The following RANBP2 variants were observed in gnomAD, a reference collection of about 807,000 sequenced individuals.
RANBP2 encodes the protein RAN binding protein 2.
In RANBP2, 57 loss-of-function variants were observed where a neutral mutation model predicts 303.6. The ratio of observed to expected loss-of-function variants is 0.19; its 90% CI spans 0.15 to 0.23. The LOEUF (loss-of-function observed/expected upper bound fraction) is 0.23. Among genes scored for constraint, RANBP2 ranks in the 10% least tolerant of loss-of-function variants. The pLI, the probability that RANBP2 is intolerant of heterozygous loss-of-function variation, is 1.00. For missense variants in RANBP2, 3,138 were observed against 3,780.8 expected (o/e 0.83, Z 4.46); for synonymous variants, 1,167 against 1,301.5 (o/e 0.90, Z 2.23).
At chr2:109,180,112 G>A in the RANBP2 span, among the ~76,000 whole-genome samples, 5 of 151,578 alleles carry the variant, frequency 3.3e-5, no homozygotes, top group Non-Finnish European at 7.4e-5. Context: ...AGGAACCACA[G>A]GAGAAGTTTT....
chr2:108,874,988 A>G, the RANBP2 span, among the ~76,000 whole-genome samples: 131,946 of 151,504 alleles, frequency 0.87, 57,855 homozygotes, highest in East Asian at 1. Context: ...TTTACTATTC[A>G]TGATGTGTTT....
chr2:108,754,067 A>G (rs1676115704), intron 15 of RANBP2, 96 bp downstream of exon 15: 2 of 1,608,624 alleles, frequency 1.2e-6, no homozygotes, highest in Admixed American at 1.7e-5. Context: ...AAAAATACTC[A>G]GTAATATGTT....
intron 7 of RANBP2, among the ~76,000 whole-genome samples, chr2:108,741,951 A>C (rs1323986491): frequency 6.6e-6 from 1 of 151,826 alleles, no homozygotes; most frequent in Non-Finnish European, 1.5e-5. Flanking sequence ...TGGGGAGGGA[A>C]AAAAAGGATT....
chr2:109,059,624 C>G, the RANBP2 span, among the ~76,000 whole-genome samples: 208 of 152,066 alleles, frequency 1.4e-3, 2 homozygotes, highest in African/African-American at 4.8e-3. Flanking sequence ...GGGCAGGGAG[C>G]AACTGCACTC....
chr2:109,333,345 C>A, the RANBP2 span, among the ~76,000 whole-genome samples: 1 of 152,300 alleles, frequency 6.6e-6, no homozygotes, highest in Non-Finnish European at 1.5e-5. Context: ...TGAATGTGAT[C>A]AATGTAATGT....
the RANBP2 span, among the ~76,000 whole-genome samples, chr2:109,656,471 G>A: frequency 6.6e-6 from 1 of 152,140 alleles, no homozygotes; most frequent in Non-Finnish European, 1.5e-5. Context: ...CAGAGTAGCT[G>A]GGATCACAGG....
chr2:108,755,366 A>G, intron 17 of RANBP2, 107 bp downstream of exon 17: 2 of 1,541,290 alleles, frequency 1.3e-6, no homozygotes, highest in South Asian at 1.2e-5. Flanking sequence ...TTGCCATCCA[A>G]ATAGTATGGC....
chr2:108,877,803 T>C, the RANBP2 span, among the ~76,000 whole-genome samples: 1 of 152,194 alleles, frequency 6.6e-6, no homozygotes, highest in Admixed American at 6.5e-5. Flanking sequence ...CAGAAAAACC[T>C]ATGAGAAAAG....
chr2:109,552,743 G>T, the RANBP2 span: 3 of 200,380 alleles, frequency 1.5e-5, no homozygotes, highest in South Asian at 9.3e-5. Context: ...CTGGTTGAAT[G>T]AGGCACCTAA....
the RANBP2 span, chr2:109,615,645 A>G: frequency 1.2e-6 from 2 of 1,613,812 alleles, no homozygotes; most frequent in Non-Finnish European, 1.7e-6. Flanking sequence ...GAGTCGGAGC[A>G]TCGCCGAGGA....
the RANBP2 span, among the ~76,000 whole-genome samples, chr2:109,049,832 C>G: frequency 3.9e-5 from 6 of 152,308 alleles, no homozygotes; most frequent in Non-Finnish European, 7.3e-5. Flanking sequence ...ATCAGAACTT[C>G]AGGTTTTCCC....
chr2:108,754,801 T>A (rs1245650236), intron 15 of RANBP2, 104 bp from the exon 16 acceptor site: 5 of 1,576,258 alleles, frequency 3.2e-6, no homozygotes, highest in Non-Finnish European at 4.3e-6. Flanking sequence ...AAGTGCCTAT[T>A]AAAGTGGCAA....
the RANBP2 span, among the ~76,000 whole-genome samples, chr2:108,995,563 G>A: frequency 6.6e-6 from 1 of 152,216 alleles, no homozygotes; most frequent in Admixed American, 6.5e-5. Flanking sequence ...CAGAGCTGCT[G>A]CCTGCCACCT....
the RANBP2 span, among the ~76,000 whole-genome samples, chr2:109,391,864 G>A: frequency 6.6e-6 from 1 of 151,980 alleles, no homozygotes; most frequent in South Asian, 2.1e-4. Context: ...AATTAAGACA[G>A]GGTCTTACTC....
the RANBP2 span, among the ~76,000 whole-genome samples, chr2:109,523,488 C>A: frequency 1.3e-5 from 2 of 152,280 alleles, no homozygotes; most frequent in African/African-American, 4.8e-5. Context: ...GGTGGTCACC[C>A]AAGATGTGCC....
chr2:109,729,964 C>T, the RANBP2 span, among the ~76,000 whole-genome samples: 1 of 152,300 alleles, frequency 6.6e-6, no homozygotes, highest in Non-Finnish European at 1.5e-5. Context: ...AACTGTCAAA[C>T]ATGTATAAAA....
the RANBP2 span, among the ~76,000 whole-genome samples, chr2:109,683,564 C>T: frequency 2.6e-5 from 4 of 152,262 alleles, no homozygotes; most frequent in Admixed American, 6.5e-5. Flanking sequence ...CAGTCACTTC[C>T]CATGTTCATG....
the RANBP2 span, among the ~76,000 whole-genome samples, chr2:108,982,622 A>G: frequency 2.6e-5 from 4 of 152,372 alleles, no homozygotes; most frequent in African/African-American, 9.6e-5. Context: ...CCAGGCACAG[A>G]AGGCAAGTCA....
At chr2:108,863,030 A>G in the RANBP2 span, among the ~76,000 whole-genome samples, 6 of 152,190 alleles carry the variant, frequency 3.9e-5, no homozygotes, top group Non-Finnish European at 8.8e-5. Context: ...CACATCTAGA[A>G]CTTACTTCTG....
Sources: gnomAD v4.1 joint callset for allele counts (sites outside exome capture counted in the v4.1 genomes callset) on GRCh38, gnomAD v4.1.1 for gene constraint, MANE v1.5 for transcripts, NCBI Gene and HGNC (gene_info 2026-07-23, HGNC 2026-07-21) for gene names.